MDN1: variants seen among roughly 807,000 people sequenced by gnomAD.
MDN1 encodes the protein midasin AAA ATPase 1.
In MDN1, 266 loss-of-function variants were observed where a neutral mutation model predicts 669.2. The ratio of observed to expected loss-of-function variants is 0.40; its 90% CI spans 0.36 to 0.44. The LOEUF (loss-of-function observed/expected upper bound fraction) is 0.44. Among genes scored for constraint, MDN1 ranks in the 20% least tolerant of loss-of-function variants. The pLI is 1.00. For synonymous variants in MDN1, 2,385 were observed against 2,457.1 expected (o/e 0.97, Z 0.87); for missense variants, 5,940 against 6,754.0 (o/e 0.88, Z 4.22).
In MDN1 at chr6:89,678,607, G is replaced by C. The variant is rs1407412285; in HGVS notation, c.12404C>G (p.Ala4135Gly). 2 of 1,611,930 alleles carry C rather than the reference G, an allele frequency of 1.2e-6. No homozygotes were observed. The highest frequency in any genetic ancestry group is 2.7e-5 in the African/African-American group (2 of 74,710). ...TCAAGTGAGAACCTTACCAATTTTT[G>C]CAAGGTGTTTAAAGAGGTCTGACAA... ...RALSDLFKHLAKIGLSYRKGL... is the reference protein window; with the variant it reads ...RALSDLFKHLGKIGLSYRKGL... The change falls in exon 75 of 102, where the codon GCA becomes GGA. Residue 4135 changes from alanine to glycine, a missense_variant. By Grantham distance (60) the Ala-to-Gly change is moderately conservative (BLOSUM62 0). Around this residue, in one of 5 missense-constraint regions of MDN1, gnomAD observed 2,280 missense variants for 2,576.3 expected, o/e 0.88. Coordinates refer to ENST00000369393, the MANE Select transcript of MDN1 (RefSeq NM_014611.3).
chr6:89,667,132 A>G (rs1179294025), intron 84 of MDN1, among the ~76,000 whole-genome samples: 1 of 152,202 alleles, frequency 6.6e-6, no homozygotes, highest in African/African-American at 2.4e-5. Context: ...TTTTTATTCC[A>G]TGTAATGTTT....
At position 89,758,827 on chromosome 6, in the gene MDN1, C is replaced by G; in HGVS notation, c.2594G>C (p.Arg865Pro). The G allele has an allele frequency of 6.2e-7, 1 of 1,614,126 alleles. No individual in the cohort carries two copies. Among genetic ancestry groups the G allele is most frequent in the Non-Finnish European group, 8.5e-7 (1 of 1,180,016 alleles). ...GATTCAAGTGCTACCTGTGTCTCCT[C>G]GATCCAGCAACACCAGGGATCCAGA... ...GSSGSLVLLDRGDTEPLVRHP... is the reference protein window; with the variant it reads ...GSSGSLVLLDPGDTEPLVRHP... Residue 865 changes from arginine (R) to proline (P), a missense_variant, in exon 18 of 102, where the codon CGA becomes CCA. Around this residue, in one of 5 missense-constraint regions of MDN1, gnomAD observed 1,203 missense variants for 1,268.9 expected, o/e 0.95. Coordinates refer to ENST00000369393, the MANE Select transcript of MDN1 (RefSeq NM_014611.3).
chr6:89,681,362 T>C (rs1269097328), intron 73 of MDN1, among the ~76,000 whole-genome samples: 1 of 152,096 alleles, frequency 6.6e-6, no homozygotes, highest in Non-Finnish European at 1.5e-5. Flanking sequence ...TTAATAGAGA[T>C]GGGGTTTTAC....
intron 54 of MDN1, 56 bp downstream of exon 54, chr6:89,701,848 T>C (rs781227907): frequency 6.4e-6 from 10 of 1,564,136 alleles, no homozygotes; most frequent in Non-Finnish European, 7.8e-6. Flanking sequence ...TTCCAAATCT[T>C]ATCCTTAACA....
chr6:89,716,275 G>A (rs150154546), intron 44 of MDN1, among the ~76,000 whole-genome samples: 140 of 152,258 alleles, frequency 9.2e-4, no homozygotes, highest in African/African-American at 2.6e-3. Flanking sequence ...ATCACTGATG[G>A]CCATTTAATA....
In MDN1 at chr6:89,761,691, T is replaced by C. The variant is rs748652452; in HGVS notation, c.2414A>G (p.Gln805Arg). 9.9e-6 allele frequency: 16 copies of C among 1,612,900 alleles called. No homozygotes were observed. In the East Asian group the frequency reaches 1.3e-4, roughly 14 times the overall value. ...GGTATTTTCAGTCATTTTCATCTGT[T>C]GTTGGGCATGGTTGAGTCTAAGACC... ...AFGLRLNHAQ[Q>R]QMKMTENTLL... is the part of the protein sequence containing the mutation. Residue 805 changes from glutamine to arginine, a missense_variant, in exon 17 of 102, where the codon CAA becomes CGA. Around this residue, in one of 5 missense-constraint regions of MDN1, gnomAD observed 1,203 missense variants for 1,268.9 expected, o/e 0.95. Coordinates refer to ENST00000369393, the MANE Select transcript of MDN1 (RefSeq NM_014611.3).
intron 69 of MDN1, 139 bp from the exon 70 acceptor site, chr6:89,686,112 T>C: frequency 1.2e-6 from 1 of 819,218 alleles, no homozygotes; most frequent in East Asian, 2.7e-5. Context: ...GCAAGGACCA[T>C]GGCTAAATTC....
At chr6:89,660,633 T>C (rs1290353574) in intron 88 of MDN1, among the ~76,000 whole-genome samples, 1 of 54,744 alleles carries the variant, frequency 1.8e-5, no homozygotes, top group African/African-American at 5.9e-5. Flanking sequence ...TTATGCTTTC[T>C]TGGTAATTGA....
At chr6:89,708,196 G>A (rs578167704) in intron 51 of MDN1, among the ~76,000 whole-genome samples, 8 of 152,162 alleles carry the variant, frequency 5.3e-5, no homozygotes, top group African/African-American at 1.9e-4. Flanking sequence ...CCAGGTACTT[G>A]GGAGGCTGAG....
Position 89,650,731 on chromosome 6 carries a change from C to T in MDN1, c.16031+1G>A, listed in dbSNP as rs1808793509. ...GAGGCCTTCCAGAGGGGAAGACTTA[C>T]TTCAGCTTGGCTGCCTGGGTAGGCT... is the stretch of plus-strand genomic sequence containing the variant. On this transcript the variant is annotated splice_donor_variant, in intron 96 of 101. Coordinates refer to ENST00000369393, the MANE Select transcript of MDN1 (RefSeq NM_014611.3). LOFTEE classifies it high-confidence loss of function. The T allele has an allele frequency of 6.2e-7, 1 of 1,613,174 alleles. No individual in the cohort carries two copies. The highest frequency in any genetic ancestry group is 8.5e-7 in the Non-Finnish European group (1 of 1,179,444).
At chr6:89,685,775 CT>C in intron 70 of MDN1, 51 bp downstream of exon 70, 1 of 1,589,638 alleles carries the variant, frequency 6.3e-7, no homozygotes, top group Non-Finnish European at 8.5e-7. Context: ...AATTCAAAGC[CT>C]AACTCATTTT....
At chr6:89,801,505 G>C (rs1287808693) in intron 2 of MDN1, among the ~76,000 whole-genome samples, 7 of 152,090 alleles carry the variant, frequency 4.6e-5, no homozygotes, top group East Asian at 1.9e-4. Flanking sequence ...ACAAAAATTA[G>C]CCAGGTGTGG....
intron 33 of MDN1, among the ~76,000 whole-genome samples, chr6:89,737,006 T>C (rs1174539698): frequency 1.3e-5 from 2 of 152,178 alleles, no homozygotes; most frequent in Non-Finnish European, 2.9e-5. Flanking sequence ...TGTGGGGCCC[T>C]GTAAGCTGCA....
rs754250790 is a variant in MDN1, at chr6:89,652,992, C to G, written c.15825G>C (p.Gln5275His). 5 of 1,612,224 alleles carry G rather than the reference C, an allele frequency of 3.1e-6. No homozygotes were observed. The highest frequency in any genetic ancestry group is 3.4e-6 in the Non-Finnish European group (4 of 1,179,516). Reference protein sequence around the residue: ...AHQFLMDTIFQPFLKDVNELR... With the variant: ...AHQFLMDTIFHPFLKDVNELR... ...TGCAGTAATTTGTGAGTTTTACTAC[C>G]TGGAAGATCGTGTCCATGAGGAATT... The change falls in exon 94 of 102, where the codon CAG (glutamine) becomes CAC (histidine). Residue 5275 changes from glutamine (Q) to histidine (H), a missense_variant and splice_region_variant. By Grantham distance (24) the Gln-to-His change is conservative. This residue lies in a region of MDN1 where 2,280 missense variants were observed against 2,576.3 expected (regional missense o/e 0.88). Coordinates refer to ENST00000369393, the MANE Select transcript of MDN1 (RefSeq NM_014611.3).
intron 47 of MDN1, 143 bp downstream of exon 47, chr6:89,713,005 C>A: frequency 1.1e-6 from 1 of 950,906 alleles, no homozygotes. Context: ...CAGAAAAGTA[C>A]CTGGATACCA....
chr6:89,746,826 A>C (rs1449098404), intron 27 of MDN1, among the ~76,000 whole-genome samples: 2 of 152,184 alleles, frequency 1.3e-5, no homozygotes, highest in Non-Finnish European at 2.9e-5. Flanking sequence ...AGCACTTTTC[A>C]AATCAGAAGA....
intron 92 of MDN1, among the ~76,000 whole-genome samples, chr6:89,654,856 C>T (rs779662715): frequency 6.6e-6 from 1 of 152,086 alleles, no homozygotes; most frequent in African/African-American, 2.4e-5. Flanking sequence ...AAATACATAT[C>T]ATTATTATAG....
chr6:89,716,998 T>C (rs569925256), intron 43 of MDN1, among the ~76,000 whole-genome samples, 189 bp from the exon 44 acceptor site: 1 of 152,350 alleles, frequency 6.6e-6, no homozygotes, highest in East Asian at 1.9e-4. Context: ...AAATACGTTT[T>C]AATGGCTCTC....
intron 37 of MDN1, among the ~76,000 whole-genome samples, chr6:89,726,036 A>G (rs189931432): frequency 6.6e-6 from 1 of 152,286 alleles, no homozygotes; most frequent in East Asian, 1.9e-4. Context: ...TTTAAAGTTA[A>G]GAATCTTCTC....
Sources: allele counts gnomAD v4.1 joint callset (sites outside exome capture counted in the v4.1 genomes callset), GRCh38; gene constraint gnomAD v4.1.1; regional missense constraint gnomAD v4.1.1; transcripts MANE v1.5; gene names NCBI Gene and HGNC (gene_info 2026-07-23, HGNC 2026-07-21).